Variants in PHLPP2 observed in about 807,000 individuals in gnomAD.
PHLPP2 encodes the protein PH domain and leucine rich repeat protein phosphatase 2.
PHLPP2 carries 66 observed loss-of-function variants against 124.9 expected under a neutral mutation model. That is an observed-to-expected ratio of 0.53 (90% CI 0.43 to 0.65). PHLPP2 has a LOEUF of 0.65. Ranked by LOEUF, PHLPP2 falls within the 30% of genes least tolerant of loss-of-function variation. The pLI, the probability that PHLPP2 is intolerant of heterozygous loss-of-function variation, is 0.00. For missense variants in PHLPP2, 1,685 were observed against 1,600.4 expected (o/e 1.05, Z -0.90); for synonymous variants, 681 against 624.7 (o/e 1.09, Z -1.34).
intron 18 of PHLPP2, 118 bp from the exon 19 acceptor site, chr16:71,650,162 T>A: frequency 1.4e-6 from 1 of 704,146 alleles, no homozygotes; most frequent in East Asian, 2.7e-5. Flanking sequence ...ATTTTTCCTA[T>A]GGATTAGTAT....
intron 1 of PHLPP2, among the ~76,000 whole-genome samples, chr16:71,721,556 C>G (rs1013206319): frequency 5.9e-5 from 9 of 152,108 alleles, no homozygotes; most frequent in African/African-American, 1.9e-4. Flanking sequence ...GATCACACCA[C>G]TGCACTCCAG....
intron 15 of PHLPP2, among the ~76,000 whole-genome samples, chr16:71,658,032 G>A: frequency 6.6e-6 from 1 of 152,168 alleles, no homozygotes; most frequent in East Asian, 1.9e-4. Context: ...TAGTAGCCAT[G>A]GAGTAGTCCT....
chr16:71,691,268 CA>C (rs1439120672), intron 3 of PHLPP2, among the ~76,000 whole-genome samples: 1 of 151,990 alleles, frequency 6.6e-6, no homozygotes, highest in Non-Finnish European at 1.5e-5. Flanking sequence ...TCCTGGCTAG[CA>C]CGGTGAAACC....
chr16:71,676,864 T>G, intron 8 of PHLPP2: 1 of 503,306 alleles, frequency 2.0e-6, no homozygotes, highest in East Asian at 3.7e-5. Flanking sequence ...TTCTCCTGCT[T>G]CAGCCTCCCA....
At chr16:71,700,537 T>G (rs1454797323) in intron 3 of PHLPP2, among the ~76,000 whole-genome samples, 1 of 141,758 alleles carries the variant, frequency 7.1e-6, no homozygotes, top group Non-Finnish European at 1.5e-5. Context: ...TTTTTTTTTT[T>G]TTTTTTGAGA....
intron 3 of PHLPP2, chr16:71,698,467 G>A: frequency 1.3e-6 from 1 of 748,500 alleles, no homozygotes; most frequent in Non-Finnish European, 2.4e-6. Flanking sequence ...GTGAACCTCG[G>A]CCACAGTGCC....
At chr16:71,718,589 A>C (rs921963474) in intron 1 of PHLPP2, among the ~76,000 whole-genome samples, 10 of 151,630 alleles carry the variant, frequency 6.6e-5, no homozygotes, top group African/African-American at 1.2e-4. Flanking sequence ...CAAAAAAAAA[A>C]AAAACAAAAC....
rs376765816 is a variant in PHLPP2 at position 71,665,127 on chromosome 16, G to A, written c.1785-1028C>T. 4.3e-4 allele frequency among the ~76,000 whole-genome samples: 65 copies of A among 152,170 alleles called. No homozygotes were observed. The South Asian group carries it at 0.013, about 31-fold the overall frequency. On this transcript the variant is annotated intron_variant, in intron 12 of 18. Transcript: ENST00000568954. ...GATGGTTAACATCCTGGCCAACATG[G>A]TGAAACCTCATCTCTACTAAAAATA...
chr16:71,676,169 T>C (rs1036855488), intron 9 of PHLPP2, among the ~76,000 whole-genome samples: 1 of 152,230 alleles, frequency 6.6e-6, no homozygotes, highest in African/African-American at 2.4e-5. Context: ...ATTGATGCTC[T>C]GTTTTGAACA....
At chr16:71,668,762 T>C (rs1418746810) in intron 11 of PHLPP2, among the ~76,000 whole-genome samples, 1 of 151,088 alleles carries the variant, frequency 6.6e-6, no homozygotes, top group East Asian at 1.9e-4. Context: ...AGACCCTGTC[T>C]CCAAAAAAAA....
chr16:71,664,079 G>C lies in PHLPP2; in HGVS notation c.1805C>G (p.Ser602Cys), dbSNP rs562870289. The change falls in exon 13 of 19, where the codon TCT becomes TGT. Residue 602 changes from serine (S) to cysteine (C), a missense_variant. Ser to Cys is a moderately radical substitution (Grantham distance 112). Coordinates refer to ENST00000568954, the MANE Select transcript of PHLPP2 (RefSeq NM_015020.3). ...KALNLRYLNA[S>C]ANSLESLPSA... is the part of the protein sequence containing the mutation. ...TGGTAAAGACTCCAGACTATTTGCA[G>C]ATGCATTCAAGTATCTGAGACTGAC... The C allele has an allele frequency of 6.2e-7, 1 of 1,612,880 alleles. No homozygotes were observed. Among genetic ancestry groups the C allele is most frequent in the African/African-American group, 1.3e-5 (1 of 75,012 alleles).
rs184329976 is a variant in PHLPP2 at position 71,691,513 on chromosome 16, A to G, written c.419-804T>C. On this transcript the variant is annotated intron_variant, in intron 3 of 18. Transcript: ENST00000568954. ...TAAATAAATAAATAAATAAATAAAT[A>G]AGGAATATAAAATACTAAGCATAGT... 4.8e-5 allele frequency among the ~76,000 whole-genome samples: 7 copies of G among 146,460 alleles called. No homozygotes were observed. In the East Asian group the frequency reaches 1.4e-3, roughly 30 times the overall value.
At chr16:71,691,869 G>A (rs955738679) in intron 3 of PHLPP2, among the ~76,000 whole-genome samples, 4 of 151,880 alleles carry the variant, frequency 2.6e-5, no homozygotes, top group Non-Finnish European at 5.9e-5. Context: ...GCTGAGGCAG[G>A]AAGACTGTTT....
intron 1 of PHLPP2, chr16:71,723,900 C>G: frequency 2.2e-6 from 2 of 901,328 alleles, no homozygotes; most frequent in South Asian, 5.2e-5. Flanking sequence ...ACGCCCGGCC[C>G]GCGCGACGGC....
At chr16:71,720,789 G>A (rs1327951356) in intron 1 of PHLPP2, among the ~76,000 whole-genome samples, 1 of 151,706 alleles carries the variant, frequency 6.6e-6, no homozygotes, top group Non-Finnish European at 1.5e-5. Flanking sequence ...GCTTGAACCC[G>A]GGAGGCGGTG....
chr16:71,658,456 G>C, intron 14 of PHLPP2, 93 bp from the exon 15 acceptor site: 1 of 1,275,372 alleles, frequency 7.8e-7, no homozygotes, highest in Non-Finnish European at 1.1e-6. Flanking sequence ...TCCCCAAAGA[G>C]GAACTTAATT....
rs2045349517 is a variant in PHLPP2, at chr16:71,714,802, C to G, written c.-6-1G>C. Reference sequence around the variant, plus strand: ...TGCTCCCATTGCGTTTCATATTTCTCTAAAAAATATCAAGAGAAAGAAATC... The same window carrying G: ...TGCTCCCATTGCGTTTCATATTTCTGTAAAAAATATCAAGAGAAAGAAATC... On this transcript the variant is annotated splice_acceptor_variant, in intron 1 of 18. Coordinates refer to ENST00000568954, the MANE Select transcript of PHLPP2 (RefSeq NM_015020.3). LOFTEE classifies it low-confidence loss of function (5UTR_SPLICE). 1.2e-6 allele frequency: 2 copies of G among 1,606,850 alleles called. No homozygotes were observed. The highest frequency in any genetic ancestry group is 2.2e-5 in the South Asian group (2 of 90,054).
At chr16:71,685,395 C>CT (rs1429545980) in intron 4 of PHLPP2, among the ~76,000 whole-genome samples, 1 of 152,156 alleles carries the variant, frequency 6.6e-6, no homozygotes, top group Non-Finnish European at 1.5e-5. Flanking sequence ...AGGAAGCAGT[C>CT]TTTTTATAGT....
chr16:71,702,498 A>T (rs2045241650), intron 3 of PHLPP2, 100 bp downstream of exon 3: 1 of 1,002,614 alleles, frequency 1.0e-6, no homozygotes, highest in Admixed American at 2.2e-5. Flanking sequence ...GCTTAAAACT[A>T]GCTTTTGATA....
Sources: gnomAD v4.1 joint callset for allele counts (sites outside exome capture counted in the v4.1 genomes callset) on GRCh38, gnomAD v4.1.1 for gene constraint, MANE v1.5 for transcripts, NCBI Gene and HGNC (gene_info 2026-07-23, HGNC 2026-07-21) for gene names.